The following ITGBL1 variants were observed in gnomAD, a reference collection of about 807,000 sequenced individuals.
ITGBL1 encodes integrin beta-like protein 1.
Under a neutral mutation model 68.5 loss-of-function variants are expected in ITGBL1, and 51 were observed. The observed-to-expected ratio is 0.74, with a 90% CI of 0.59 to 0.94. The LOEUF (loss-of-function observed/expected upper bound fraction) is 0.94. ITGBL1 is among the 40% of genes least tolerant of loss of function. The probability of loss-of-function intolerance (pLI) is 0.00; values close to 1 mark genes in which losing one functional copy is unlikely to be tolerated. For missense variants in ITGBL1, 649 were observed against 647.4 expected, an observed-to-expected ratio of 1.00 and a Z score of -0.03; for synonymous variants, 209 against 227.3, an observed-to-expected ratio of 0.92 and a Z score of 0.72.
At chr13:101,589,695 A>G (rs1259653441) in intron 6 of ITGBL1, among the ~76,000 whole-genome samples, 1 of 152,224 alleles carries the variant, frequency 6.6e-6, no homozygotes, top group Non-Finnish European at 1.5e-5. Context: ...CCCAATGTGC[A>G]AGCAATTGGC....
At chr13:101,465,161 G>A (rs2048366877) in intron 2 of ITGBL1, among the ~76,000 whole-genome samples, 1 of 152,072 alleles carries the variant, frequency 6.6e-6, no homozygotes, top group Admixed American at 6.6e-5. Context: ...CTAAAACTGT[G>A]CAAAGATAGA....
intron 7 of ITGBL1, among the ~76,000 whole-genome samples, chr13:101,682,390 T>C (rs573587082): frequency 6.6e-6 from 1 of 152,244 alleles, no homozygotes; most frequent in South Asian, 2.1e-4. Flanking sequence ...ATATAAATCT[T>C]GCAGTATCTT....
intron 7 of ITGBL1, among the ~76,000 whole-genome samples, chr13:101,625,461 G>A (rs1410629425): frequency 6.6e-6 from 1 of 152,118 alleles, no homozygotes; most frequent in Non-Finnish European, 1.5e-5. Context: ...GTAGGTTAAG[G>A]GTTGCAGTGG....
intron 2 of ITGBL1, among the ~76,000 whole-genome samples, chr13:101,493,549 G>A (rs1302171101): frequency 9.9e-5 from 15 of 152,202 alleles, no homozygotes; most frequent in African/African-American, 3.1e-4. Context: ...TGTCCGGGAC[G>A]TGCTTCAGCT....
intron 7 of ITGBL1, among the ~76,000 whole-genome samples, chr13:101,685,408 G>A (rs1004411297): frequency 6.6e-6 from 1 of 152,016 alleles, no homozygotes; most frequent in African/African-American, 2.4e-5. Context: ...TTGCCAAAAT[G>A]TTTTATTCCT....
At chr13:101,515,704 C>A (rs2049183950) in intron 2 of ITGBL1, among the ~76,000 whole-genome samples, 1 of 151,900 alleles carries the variant, frequency 6.6e-6, no homozygotes, top group African/African-American at 2.4e-5. Flanking sequence ...AATAGTGAAA[C>A]TGTTGTAATT....
At chr13:101,555,002 A>G (rs912309995) in intron 2 of ITGBL1, among the ~76,000 whole-genome samples, 1 of 152,228 alleles carries the variant, frequency 6.6e-6, no homozygotes, top group Non-Finnish European at 1.5e-5. Flanking sequence ...CTGAAATCCC[A>G]AAACAACATC....
At chr13:101,669,113 TAAA>T (rs140112067) in intron 7 of ITGBL1, among the ~76,000 whole-genome samples, 4 of 148,074 alleles carry the variant, frequency 2.7e-5, no homozygotes, top group African/African-American at 7.4e-5. Flanking sequence ...CCTTTTTCGT[TAAA>T]AAAAAAAGTA....
intron 2 of ITGBL1, among the ~76,000 whole-genome samples, chr13:101,558,459 C>G (rs909425004): frequency 6.6e-6 from 1 of 152,134 alleles, no homozygotes; most frequent in African/African-American, 2.4e-5. Flanking sequence ...CCCCCTGAAT[C>G]TAAATTTTTT....
chr13:101,634,875 A>C (rs1055592048), intron 7 of ITGBL1, among the ~76,000 whole-genome samples: 4 of 151,960 alleles, frequency 2.6e-5, no homozygotes, highest in African/African-American at 9.7e-5. Flanking sequence ...CTGATAAGGA[A>C]CCAATGTTTT....
At chr13:101,476,203 T>C (rs1566691530) in intron 2 of ITGBL1, among the ~76,000 whole-genome samples, 1 of 152,026 alleles carries the variant, frequency 6.6e-6, no homozygotes, top group African/African-American at 2.4e-5. Context: ...TGGATGAAGT[T>C]AGTGTAGAGT....
intron 5 of ITGBL1, among the ~76,000 whole-genome samples, chr13:101,580,476 G>A (rs892857487): frequency 2.6e-5 from 4 of 152,056 alleles, no homozygotes; most frequent in African/African-American, 4.8e-5. Flanking sequence ...GTTCTAGGGT[G>A]CATTGCACAA....
In ITGBL1 at chr13:101,605,889, T is replaced by C. The variant is rs371284450; in HGVS notation, c.1015+7590T>C. Among the ~76,000 whole-genome samples the C allele has an allele frequency of 1.7e-4, 26 of 149,646 alleles. 1 individual carries two copies. In the East Asian group the frequency reaches 3.1e-3, roughly 18 times the overall value. The stretch of plus-strand genomic sequence containing the variant: ...GTGTATATATACACATATATAGACA[T>C]GTATGCGTGCATGTGTATATGTACA... On this transcript the variant is annotated intron_variant, in intron 7 of 10. Coordinates refer to ENST00000376180, the MANE Select transcript of ITGBL1 (RefSeq NM_004791.3).
At chr13:101,534,703 C>G (rs2049541414) in intron 2 of ITGBL1, among the ~76,000 whole-genome samples, 1 of 152,052 alleles carries the variant, frequency 6.6e-6, no homozygotes, top group Admixed American at 6.6e-5. Flanking sequence ...GTTAAATGTT[C>G]ATAAAGGTCA....
rs545721152 is a variant in ITGBL1 at position 101,595,580 on chromosome 13, G to A, written c.869-2573G>A. On this transcript the variant is annotated intron_variant, in intron 6 of 10. Coordinates refer to ENST00000376180, the MANE Select transcript of ITGBL1 (RefSeq NM_004791.3). The stretch of plus-strand genomic sequence containing the variant: ...ATTTTTCCAAAGAAGATATGCAAAT[G>A]GCCAGTGGGTATATGAAAAAAGTGC... 2.0e-5 allele frequency among the ~76,000 whole-genome samples: 3 copies of A among 152,168 alleles called. No individual in the cohort carries two copies. In the South Asian group the frequency reaches 6.2e-4, roughly 32 times the overall value.
Position 101,562,127 on chromosome 13 carries a change from A to T in ITGBL1, c.317-5572A>T, listed in dbSNP as rs541340370. Among the ~76,000 whole-genome samples the T allele has an allele frequency of 3.3e-5, 5 of 152,264 alleles. No homozygotes were observed. In the South Asian group the frequency reaches 1.0e-3, roughly 32 times the overall value. On this transcript the variant is annotated intron_variant, in intron 2 of 10. Coordinates refer to ENST00000376180, the MANE Select transcript of ITGBL1 (RefSeq NM_004791.3). ...TTCCTAGAATTACATATAAAGTGGTACAATATTATTTGAATGTAAACTCTG... is the reference window on the plus strand; with the variant it reads ...TTCCTAGAATTACATATAAAGTGGTTCAATATTATTTGAATGTAAACTCTG...
intron 7 of ITGBL1, among the ~76,000 whole-genome samples, chr13:101,634,801 A>G (rs2032110818): frequency 6.6e-6 from 1 of 152,024 alleles, no homozygotes; most frequent in South Asian, 2.1e-4. Flanking sequence ...ATAAAAGAAG[A>G]GTGTGGCTAT....
At chr13:101,476,732 C>G (rs1016292669) in intron 2 of ITGBL1, among the ~76,000 whole-genome samples, 2 of 151,966 alleles carry the variant, frequency 1.3e-5, no homozygotes, top group African/African-American at 2.4e-5. Context: ...GATTTCAAGA[C>G]AAAAACTATA....
At chr13:101,612,836 G>C (rs1312544716) in intron 7 of ITGBL1, among the ~76,000 whole-genome samples, 1 of 152,066 alleles carries the variant, frequency 6.6e-6, no homozygotes, top group East Asian at 1.9e-4. Context: ...AAGGTCCCTG[G>C]AAACACTATT....
Sources: allele counts gnomAD v4.1 joint callset (sites outside exome capture counted in the v4.1 genomes callset), GRCh38; gene constraint gnomAD v4.1.1; transcripts MANE v1.5; gene names NCBI Gene and HGNC (gene_info 2026-07-23, HGNC 2026-07-21).